ROS1: variants seen among roughly 807,000 people sequenced by gnomAD.
The protein encoded by ROS1 is ROS proto-oncogene 1, receptor tyrosine kinase.
ROS1 carries 263 observed loss-of-function variants against 273.5 expected under a neutral mutation model. The observed-to-expected ratio is 0.96, with a 90% CI of 0.87 to 1.06. The LOEUF is 1.06. ROS1 is among the 50% of genes least tolerant of loss of function. ROS1 has a pLI of 0.00. For synonymous variants in ROS1, 1,008 were observed against 954.1 expected, an observed-to-expected ratio of 1.06 and a Z score of -1.04; for missense variants, 2,833 against 2,751.1, an observed-to-expected ratio of 1.03 and a Z score of -0.67.
chr6:117,420,332 T>G (rs9374658), intron 1 of ROS1, among the ~76,000 whole-genome samples: 57,042 of 150,134 alleles, frequency 0.38, 11,984 homozygotes, highest in African/African-American at 0.56. Context: ...TCTCAAACTT[T>G]CTTAACCTAA....
chr6:117,396,373 C>T, intron 8 of ROS1, 109 bp from the exon 9 acceptor site: 2 of 778,254 alleles, frequency 2.6e-6, no homozygotes, highest in South Asian at 1.5e-5. Flanking sequence ...TGTGGCAATG[C>T]ATGAGTCTAG....
At chr6:117,379,191 A>G in intron 17 of ROS1, 32 bp from the exon 18 acceptor site, 1 of 1,358,886 alleles carries the variant, frequency 7.4e-7, no homozygotes. Context: ...AAAATAAACC[A>G]AATACATGTT....
chr6:117,425,562 C>G lies in ROS1; in HGVS notation c.95G>C (p.Ser32Thr). 1 of 1,600,064 alleles carries G rather than the reference C, an allele frequency of 6.2e-7. No homozygotes were observed. The highest frequency in any genetic ancestry group is 1.1e-5 in the South Asian group (1 of 87,154). Residue 32 changes from serine to threonine, a missense_variant, in exon 1 of 44, where the codon AGC (serine) becomes ACC (threonine). Transcript: ENST00000368507. ...ISVVQCTVLN[S>T]CLKSCVTNLG... Reference sequence around the variant, plus strand: ...ATTAGTTACACACGACTTTAGGCAGCTATTTAAAACTGTACACTGCACCAC... The same window carrying G: ...ATTAGTTACACACGACTTTAGGCAGGTATTTAAAACTGTACACTGCACCAC...
intron 14 of ROS1, 57 bp downstream of exon 14, chr6:117,387,723 A>T (rs1248210081): frequency 2.6e-6 from 4 of 1,554,948 alleles, no homozygotes; most frequent in Non-Finnish European, 3.5e-6. Flanking sequence ...TTTAAAGGGC[A>T]CTCAGCTAGT....
At chr6:117,302,418 T>G (rs1774802862) in intron 42 of ROS1, among the ~76,000 whole-genome samples, 1 of 152,168 alleles carries the variant, frequency 6.6e-6, no homozygotes, top group Non-Finnish European at 1.5e-5. Context: ...TCCATATCTT[T>G]GATAGTCTCA....
At chr6:117,361,677 T>C (rs955074000) in intron 22 of ROS1, among the ~76,000 whole-genome samples, 1 of 151,498 alleles carries the variant, frequency 6.6e-6, no homozygotes, top group African/African-American at 2.4e-5. Flanking sequence ...TTAACTTTCA[T>C]GTATAACTTA....
At chr6:117,365,449 G>C in intron 20 of ROS1, 132 bp downstream of exon 20, 2 of 837,648 alleles carry the variant, frequency 2.4e-6, no homozygotes, top group Non-Finnish European at 3.8e-6. Context: ...TAATCTTAAT[G>C]ACCAAATGCT....
At chr6:117,380,357 G>A (rs938779166) in intron 17 of ROS1, among the ~76,000 whole-genome samples, 2 of 152,056 alleles carry the variant, frequency 1.3e-5, no homozygotes, top group Non-Finnish European at 2.9e-5. Flanking sequence ...AAAACCCTTC[G>A]GTTGTCATAC....
chr6:117,319,824 A>G (rs764715778), intron 37 of ROS1, 44 bp downstream of exon 37: 1 of 1,543,252 alleles, frequency 6.5e-7, no homozygotes, highest in South Asian at 1.1e-5. Context: ...ATCTTTGTAG[A>G]TATGGTGATA....
intron 21 of ROS1, among the ~76,000 whole-genome samples, chr6:117,363,635 C>T (rs1779978366): frequency 6.6e-6 from 1 of 152,168 alleles, no homozygotes; most frequent in Non-Finnish European, 1.5e-5. Flanking sequence ...TCTCTTCTCA[C>T]ATGGGATACC....
intron 1 of ROS1, among the ~76,000 whole-genome samples, chr6:117,422,967 A>G (rs889835559): frequency 6.6e-6 from 1 of 152,118 alleles, no homozygotes; most frequent in African/African-American, 2.4e-5. Flanking sequence ...ATTGAATGGA[A>G]TTGATACTCC....
chr6:117,300,778 C>T (rs900851692), intron 43 of ROS1, among the ~76,000 whole-genome samples, 196 bp downstream of exon 43: 1 of 152,140 alleles, frequency 6.6e-6, no homozygotes, highest in Non-Finnish European at 1.5e-5. Flanking sequence ...TAGAACTATC[C>T]TTTATTTTTT....
At chr6:117,342,379 C>G (rs766353158) in intron 29 of ROS1, 21 bp downstream of exon 29, 2 of 1,606,240 alleles carry the variant, frequency 1.2e-6, no homozygotes, top group Non-Finnish European at 1.7e-6. Flanking sequence ...TTGAGAAACC[C>G]ACAACAAGCC....
intron 6 of ROS1, among the ~76,000 whole-genome samples, chr6:117,403,800 A>C (rs370913694): frequency 3.9e-5 from 6 of 152,348 alleles, no homozygotes; most frequent in East Asian, 3.9e-4. Flanking sequence ...TATTTTCCCT[A>C]TAAAATAAGC....
At chr6:117,349,471 G>T (rs1017943746) in intron 27 of ROS1, among the ~76,000 whole-genome samples, 1 of 151,812 alleles carries the variant, frequency 6.6e-6, no homozygotes, top group Non-Finnish European at 1.5e-5. Context: ...ATTTAAAGTG[G>T]GTTTCTTATA....
chr6:117,386,806 T>A (rs1772616242), intron 15 of ROS1, 83 bp downstream of exon 15: 2 of 659,930 alleles, frequency 3.0e-6, no homozygotes, highest in Non-Finnish European at 5.2e-6. Flanking sequence ...AAAAATACCC[T>A]ATTCTTTTGA....
chr6:117,329,304 A>G (rs2128592926), intron 33 of ROS1, 25 bp downstream of exon 33: 1 of 1,023,170 alleles, frequency 9.8e-7, no homozygotes, highest in Non-Finnish European at 1.5e-6. Context: ...TTTGTCATTT[A>G]CAAGTACTTT....
intron 36 of ROS1, 44 bp from the exon 37 acceptor site, chr6:117,320,074 T>C (rs1464848177): frequency 2.6e-6 from 4 of 1,537,948 alleles, no homozygotes; most frequent in East Asian, 4.5e-5. Flanking sequence ...TCCACATATA[T>C]AGGGTGTACA....
At chr6:117,306,999 T>G (rs902208224) in intron 42 of ROS1, among the ~76,000 whole-genome samples, 4 of 152,166 alleles carry the variant, frequency 2.6e-5, no homozygotes, top group African/African-American at 9.7e-5. Flanking sequence ...TAAACTATAT[T>G]TTTATTAAAA....
Sources: allele counts gnomAD v4.1 joint callset (sites outside exome capture counted in the v4.1 genomes callset), GRCh38; gene constraint gnomAD v4.1.1; transcripts MANE v1.5; gene names NCBI Gene and HGNC (gene_info 2026-07-23, HGNC 2026-07-21).